The following PDE9A variants were observed in gnomAD, a reference collection of about 807,000 sequenced individuals.
PDE9A encodes the protein phosphodiesterase 9A, also known as high affinity cGMP-specific 3',5'-cyclic phosphodiesterase 9A.
PDE9A carries 60 observed loss-of-function variants against 87.4 expected under a neutral mutation model. The observed-to-expected ratio is 0.69, with a 90% CI of 0.56 to 0.85. The LOEUF (loss-of-function observed/expected upper bound fraction) is 0.85, where lower values mean the gene tolerates loss of function less well. Among genes scored for constraint, PDE9A ranks in the 40% least tolerant of loss-of-function variants. The probability of loss-of-function intolerance (pLI) is 0.00; values close to 1 mark genes in which losing one functional copy is unlikely to be tolerated. For synonymous variants in PDE9A, 272 were observed against 279.4 expected, an observed-to-expected ratio of 0.97 and a Z score of 0.27; for missense variants, 665 against 779.0, an observed-to-expected ratio of 0.85 and a Z score of 1.74.
intron 8 of PDE9A, among the ~76,000 whole-genome samples, chr21:42,750,078 C>T (rs1050680085): frequency 3.9e-5 from 6 of 152,128 alleles, no homozygotes; most frequent in Admixed American, 6.5e-5. Context: ...GCAGAGGTTG[C>T]GGTGAGCAAA....
rs1025403470 is a variant in PDE9A at position 42,694,022 on chromosome 21, T to C, written c.219-4946T>C. On this transcript the variant is annotated intron_variant, in intron 3 of 19. Coordinates refer to ENST00000291539, the MANE Select transcript of PDE9A (RefSeq NM_002606.3). The surrounding 1 kb of genome is among the most constrained non-coding windows in gnomAD (Gnocchi z 5.3). Reference sequence around the variant, plus strand: ...ACACAGTCTGGGGACTAACCGCTGATATAAGGTCTGGAAAATCTAAGAAAC... The same window carrying C: ...ACACAGTCTGGGGACTAACCGCTGACATAAGGTCTGGAAAATCTAAGAAAC... Among the ~76,000 whole-genome samples the C allele has an allele frequency of 6.6e-6, 1 of 152,018 alleles. No homozygotes were observed. Among genetic ancestry groups the C allele is most frequent in the Non-Finnish European group, 1.5e-5 (1 of 68,012 alleles).
At chr21:42,674,004 A>G (rs1005055047) in intron 1 of PDE9A, among the ~76,000 whole-genome samples, 7 of 152,228 alleles carry the variant, frequency 4.6e-5, no homozygotes, top group African/African-American at 1.7e-4. Context: ...TTGCTTTGCA[A>G]TTAGTGTCTG....
At chr21:42,673,917 A>G (rs1452593532) in intron 1 of PDE9A, among the ~76,000 whole-genome samples, 2 of 152,244 alleles carry the variant, frequency 1.3e-5, no homozygotes, top group Non-Finnish European at 2.9e-5. Context: ...CCTCACAGAC[A>G]CTGAGTGGAC....
chr21:42,740,414 A>G (rs1602382592), intron 7 of PDE9A, among the ~76,000 whole-genome samples: 2 of 151,338 alleles, frequency 1.3e-5, no homozygotes, highest in Admixed American at 1.3e-4. Flanking sequence ...ACTGCACTCC[A>G]GCCTGGGTGA....
intron 1 of PDE9A, among the ~76,000 whole-genome samples, chr21:42,680,079 G>A (rs1403506802): frequency 1.3e-5 from 2 of 152,208 alleles, no homozygotes; most frequent in Non-Finnish European, 2.9e-5. Flanking sequence ...CTCGCAGCCT[G>A]CAGCCCCTCC....
intron 8 of PDE9A, among the ~76,000 whole-genome samples, chr21:42,749,077 C>T (rs1279596614): frequency 2.6e-5 from 4 of 152,178 alleles, no homozygotes; most frequent in African/African-American, 9.7e-5. Flanking sequence ...TTTGTTACAG[C>T]AGATCACACC....
intron 4 of PDE9A, among the ~76,000 whole-genome samples, chr21:42,719,656 A>G (rs983598574): frequency 5.4e-5 from 8 of 146,942 alleles, no homozygotes; most frequent in Admixed American, 2.0e-4. Context: ...AAAAAAAAAA[A>G]AAAAAGAAAT....
At chr21:42,730,331 T>C (rs1167845438) in intron 4 of PDE9A, among the ~76,000 whole-genome samples, 2 of 152,204 alleles carry the variant, frequency 1.3e-5, no homozygotes, top group African/African-American at 4.8e-5. Flanking sequence ...TCTTATCAAG[T>C]CATAGAATGC....
chr21:42,712,369 G>C (rs147972065), intron 4 of PDE9A, among the ~76,000 whole-genome samples: 1 of 152,094 alleles, frequency 6.6e-6, no homozygotes, highest in Admixed American at 6.5e-5. Flanking sequence ...GGATGTTGGC[G>C]TTGGATCCTG....
chr21:42,775,278 A>G lies in PDE9A; in HGVS notation c.1769-2A>G. The G allele has an allele frequency of 6.2e-7, 1 of 1,612,104 alleles. No individual in the cohort carries two copies. The highest frequency in any genetic ancestry group is 8.5e-7 in the Non-Finnish European group (1 of 1,179,222). ...AATCAGTCATCGTTTCCCTTCTTCC[A>G]GGAGACTGTGCCTGAGGAAAGCGGG... is the stretch of plus-strand genomic sequence containing the variant. On this transcript the variant is annotated splice_acceptor_variant, in intron 19 of 19. Transcript: ENST00000291539. LOFTEE classifies it high-confidence loss of function.
chr21:42,689,570 G>A (rs965374125), intron 3 of PDE9A: 2 of 985,342 alleles, frequency 2.0e-6, no homozygotes, highest in Admixed American at 1.2e-4. Context: ...CTGGGTATCT[G>A]AGAGAAACTG....
At chr21:42,709,829 G>A (rs140055110) in intron 4 of PDE9A, among the ~76,000 whole-genome samples, 194 of 152,216 alleles carry the variant, frequency 1.3e-3, no homozygotes, top group Non-Finnish European at 2.3e-3. Flanking sequence ...TGTTGCCCAC[G>A]CTGGTGTCGA....
At chr21:42,714,338 G>A (rs2049632918) in intron 4 of PDE9A, among the ~76,000 whole-genome samples, 2 of 152,150 alleles carry the variant, frequency 1.3e-5, no homozygotes, top group African/African-American at 2.4e-5. Flanking sequence ...TTTACGTACA[G>A]ATCTAAACGT....
rs2269145 is a variant in PDE9A, at chr21:42,704,322, C to T, written c.262+5311C>T. 0.45 allele frequency among the ~76,000 whole-genome samples: 68,988 copies of T among 151,722 alleles called. 15,804 individuals are homozygous for T. Among genetic ancestry groups the T allele is most frequent in the Middle Eastern group, 0.57 (167 of 292 alleles). ...TCACATCCTGGCTGGGCTAACACCA[C>T]CTTTCCCCGCCTCTGGGTGCGTGGG... On this transcript the variant is annotated intron_variant, in intron 4 of 19. Coordinates refer to ENST00000291539, the MANE Select transcript of PDE9A (RefSeq NM_002606.3). The surrounding 1 kb of genome is among the most constrained non-coding windows in gnomAD (Gnocchi z 5.3).
At chr21:42,775,203 G>A in intron 19 of PDE9A, 77 bp from the exon 20 acceptor site, 1 of 1,452,112 alleles carries the variant, frequency 6.9e-7, no homozygotes, top group East Asian at 2.3e-5. Context: ...GTCTCTCAAA[G>A]TGCTGGGATT....
At chr21:42,774,156 C>A (rs1464759753) in intron 19 of PDE9A, among the ~76,000 whole-genome samples, 1 of 151,970 alleles carries the variant, frequency 6.6e-6, no homozygotes, top group Admixed American at 6.6e-5. Flanking sequence ...AATAAATAAA[C>A]AATAAATAAG....
intron 2 of PDE9A, among the ~76,000 whole-genome samples, chr21:42,687,385 A>G (rs954861170): frequency 6.6e-6 from 1 of 152,192 alleles, no homozygotes; most frequent in African/African-American, 2.4e-5. Context: ...TATCACCTCT[A>G]TTTCACAGAT....
chr21:42,745,120 A>G (rs2053704733), intron 8 of PDE9A, among the ~76,000 whole-genome samples: 1 of 152,220 alleles, frequency 6.6e-6, no homozygotes. Flanking sequence ...ATTGAGGGCA[A>G]TCTGCTTATT....
Position 42,775,389 on chromosome 21 carries a change from A to C in PDE9A, c.*96A>C, listed in dbSNP as rs2057412581. ...AGCTGCCCTGGGCACCTGGCACCAC[A>C]AGACCATGTTTTCTAAGAACCATTT... On this transcript the variant is annotated 3_prime_UTR_variant, in exon 20 of 20. Coordinates refer to ENST00000291539, the MANE Select transcript of PDE9A (RefSeq NM_002606.3). 1 of 997,858 alleles carries C rather than the reference A, an allele frequency of 1.0e-6. No individual in the cohort carries two copies. Among genetic ancestry groups the C allele is most frequent in the African/African-American group, 1.7e-5 (1 of 59,460 alleles). The allele number at this position is 997,858 out of a possible 1,614,324, so 61.8% of individuals were successfully genotyped here.
Sources: gnomAD v4.1 joint callset for allele counts (sites outside exome capture counted in the v4.1 genomes callset) on GRCh38, gnomAD v4.1.1 for gene constraint, Gnocchi (gnomAD v3.1) non-coding constraint, MANE v1.5 for transcripts, NCBI Gene and HGNC (gene_info 2026-07-23, HGNC 2026-07-21) for gene names.